The following POLA1 variants were observed in gnomAD, a reference collection of about 807,000 sequenced individuals.
POLA1 encodes the protein DNA polymerase alpha catalytic subunit.
Under a neutral mutation model 124.0 loss-of-function variants are expected in POLA1, and 15 were observed. That is an observed-to-expected ratio of 0.12 (90% CI 0.08 to 0.19). The LOEUF (loss-of-function observed/expected upper bound fraction) is 0.19, where lower values mean the gene tolerates loss of function less well. Among genes scored for constraint, POLA1 ranks in the 10% least tolerant of loss-of-function variants. POLA1 has a pLI of 1.00. For missense variants in POLA1, 886 were observed against 1,103.4 expected (o/e 0.80, Z 2.79); for synonymous variants, 408 against 389.4 (o/e 1.05, Z -0.56).
At chrX:24,751,060 A>G (rs779923580) in intron 26 of POLA1, among the ~76,000 whole-genome samples, 54 of 112,117 alleles carry the variant, frequency 4.8e-4, no homozygotes, top group Non-Finnish European at 7.7e-4. Context: ...TGCACTCACT[A>G]TGCCCCAACT....
At chrX:24,993,440 G>A (rs1433424359) in intron 36 of POLA1, among the ~76,000 whole-genome samples, 1 of 112,590 alleles carries the variant, frequency 8.9e-6, no homozygotes, top group East Asian at 2.8e-4. Flanking sequence ...AGGTGATGGC[G>A]TCGTTACTGA....
chrX:24,968,627 C>T (rs926093562), intron 36 of POLA1, among the ~76,000 whole-genome samples: 24 of 103,052 alleles, frequency 2.3e-4, no homozygotes, highest in Non-Finnish European at 2.9e-4. Flanking sequence ...GGTGTGAACC[C>T]GGGAGGCGGA....
intron 26 of POLA1, among the ~76,000 whole-genome samples, chrX:24,764,639 A>G (rs1932858499): frequency 8.9e-6 from 1 of 112,318 alleles, no homozygotes; most frequent in Non-Finnish European, 1.9e-5. Context: ...TCCTTCAGCA[A>G]CATGTAGTAG....
chrX:24,927,424 CCT>C (rs1182426682), intron 35 of POLA1, among the ~76,000 whole-genome samples: 1 of 111,877 alleles, frequency 8.9e-6, no homozygotes. Context: ...CAAGTCGTCC[CCT>C]GTGCCAGGTA....
At chrX:24,747,162 T>C (rs1315435438) in intron 24 of POLA1, among the ~76,000 whole-genome samples, 2 of 110,087 alleles carry the variant, frequency 1.8e-5, no homozygotes, top group African/African-American at 6.6e-5. Context: ...AAGCTCCTTT[T>C]TTTTTTTTCT....
chrX:24,947,549 G>T (rs1168212250), intron 36 of POLA1, among the ~76,000 whole-genome samples: 1 of 110,875 alleles, frequency 9.0e-6, no homozygotes, highest in South Asian at 3.8e-4. Context: ...GGGATTACAG[G>T]CAGGAGCCAC....
Position 24,888,076 on chromosome X carries a change from C to A in POLA1, c.4118C>A (p.Thr1373Asn), listed in dbSNP as rs1205471387. Residue 1373 changes from threonine (T) to asparagine (N), a missense_variant, in exon 35 of 37, where the codon ACT (threonine) becomes AAT (asparagine). This residue lies in a region of POLA1 where 313 missense variants were observed against 359.7 expected (regional missense o/e 0.87). Coordinates refer to ENST00000379068, the MANE Select transcript of POLA1 (RefSeq NM_001330360.2). ...CACCTTCCCCTTCAATTCTCCCGAA[C>A]TGGGCCTCTTTGCCCAGCCTGCATG... ...TRHLPLQFSR[T>N]GPLCPACMKA... 1 of 1,206,530 alleles carries A rather than the reference C, an allele frequency of 8.3e-7. No individual in the cohort carries two copies. The highest frequency in any genetic ancestry group is 1.8e-5 in the South Asian group (1 of 56,823).
intron 35 of POLA1, among the ~76,000 whole-genome samples, chrX:24,908,608 G>A (rs1438183888): frequency 1.8e-5 from 2 of 110,699 alleles, no homozygotes; most frequent in Non-Finnish European, 3.8e-5. Flanking sequence ...GTGTATATGT[G>A]CCACATTTGT....
chrX:24,821,707 A>G, intron 31 of POLA1, 124 bp downstream of exon 31: 1 of 492,300 alleles, frequency 2.0e-6, no homozygotes, highest in Non-Finnish European at 3.3e-6. Flanking sequence ...GGTTAGTTTC[A>G]TAGCATTTAA....
At chrX:24,817,937 T>A (rs1334237281) in intron 30 of POLA1, among the ~76,000 whole-genome samples, 4 of 97,718 alleles carry the variant, frequency 4.1e-5, no homozygotes, top group South Asian at 4.9e-4. Context: ...ATGACAATAT[T>A]TTTTTTTTTT....
chrX:24,704,929 C>T (rs1301792562), intron 4 of POLA1, among the ~76,000 whole-genome samples: 1 of 111,784 alleles, frequency 8.9e-6, no homozygotes, highest in Non-Finnish European at 1.9e-5. Context: ...GTCAGATTGT[C>T]TTAGCTGTAC....
intron 36 of POLA1, among the ~76,000 whole-genome samples, chrX:24,946,742 A>T (rs1176945790): frequency 8.9e-6 from 1 of 111,938 alleles, no homozygotes; most frequent in African/African-American, 3.2e-5. Context: ...ATCATGCTTG[A>T]TACATTATTT....
chrX:24,982,633 G>A (rs1478910574), intron 36 of POLA1, among the ~76,000 whole-genome samples: 3 of 110,259 alleles, frequency 2.7e-5, no homozygotes, highest in African/African-American at 9.9e-5. Flanking sequence ...GGTTTCTATA[G>A]CAAGATTACT....
At chrX:24,915,616 A>G (rs1470347478) in intron 35 of POLA1, among the ~76,000 whole-genome samples, 1 of 112,265 alleles carries the variant, frequency 8.9e-6, no homozygotes, top group African/African-American at 3.2e-5. Flanking sequence ...AAATTCACAG[A>G]TAATGAGAAC....
intron 15 of POLA1, among the ~76,000 whole-genome samples, chrX:24,728,660 T>C (rs186226081): frequency 8.9e-6 from 1 of 112,044 alleles, no homozygotes; most frequent in Admixed American, 9.5e-5. Flanking sequence ...TTATTTGCTT[T>C]GTTGTGGTGT....
chrX:24,709,314 G>A (rs1416211714), intron 4 of POLA1, among the ~76,000 whole-genome samples: 3 of 89,811 alleles, frequency 3.3e-5, no homozygotes, highest in East Asian at 8.6e-4. Context: ...CCTCCCTCCC[G>A]GATGGGGCGG....
In POLA1 at chrX:24,959,801, GTTTTA is replaced by G. The variant is rs756841898; in HGVS notation, c.4261+29258_4261+29262del. ...TTAAATGAAACATTAAGATTTACCT[GTTTTA>G]TTTTAGGGGTTTTAAAAATGTGGCT... On this transcript the variant is annotated intron_variant, in intron 36 of 36. Coordinates refer to ENST00000379068, the MANE Select transcript of POLA1 (RefSeq NM_001330360.2). Among the ~76,000 whole-genome samples the G allele has an allele frequency of 1.5e-3, 169 of 111,624 alleles. 1 individual carries two copies. Among genetic ancestry groups the G allele is most frequent in the Non-Finnish European group, 3.0e-3 (157 of 53,148 alleles).
intron 26 of POLA1, among the ~76,000 whole-genome samples, chrX:24,777,500 TA>T (rs1388599895): frequency 1.1e-5 from 1 of 94,477 alleles, no homozygotes; most frequent in African/African-American, 4.0e-5. Flanking sequence ...GTTTTTATTT[TA>T]AAAAGCTTAT....
rs551901357 is a variant in POLA1 at position 24,839,061 on chromosome X, T to A, written c.3737-2591T>A. ...CTTACTTTTTTAACATGACATTGTATGTTTTCTTAAAATGATTTAATTTAG... is the reference window on the plus strand; with the variant it reads ...CTTACTTTTTTAACATGACATTGTAAGTTTTCTTAAAATGATTTAATTTAG... On this transcript the variant is annotated intron_variant, in intron 32 of 36. Transcript: ENST00000379068. Among the ~76,000 whole-genome samples, 6 of 112,323 alleles carry A rather than the reference T, an allele frequency of 5.3e-5. No individual in the cohort carries two copies. In the South Asian group the frequency reaches 1.9e-3, roughly 35 times the overall value.
Sources: allele counts gnomAD v4.1 joint callset (sites outside exome capture counted in the v4.1 genomes callset), GRCh38; gene constraint gnomAD v4.1.1; regional missense constraint gnomAD v4.1.1; transcripts MANE v1.5; gene names NCBI Gene and HGNC (gene_info 2026-07-23, HGNC 2026-07-21).